Variants in HROB observed in about 807,000 individuals in gnomAD.
HROB encodes the protein homologous recombination factor with OB-fold.
Under a neutral mutation model 61.0 loss-of-function variants are expected in HROB, and 44 were observed. The ratio of observed to expected loss-of-function variants is 0.72; its 90% CI spans 0.57 to 0.93. The LOEUF (loss-of-function observed/expected upper bound fraction) is 0.93, where lower values mean the gene tolerates loss of function less well. Among genes scored for constraint, HROB ranks in the 40% least tolerant of loss-of-function variants. The pLI is 0.00. For synonymous variants in HROB, 301 were observed against 310.4 expected (o/e 0.97, Z 0.32); for missense variants, 716 against 796.2 (o/e 0.90, Z 1.21).
At chr17:44,149,514 G>T (rs2053733989) in intron 3 of HROB, among the ~76,000 whole-genome samples, 1 of 152,192 alleles carries the variant, frequency 6.6e-6, no homozygotes, top group Admixed American at 6.5e-5. Context: ...CTCCCAAAGT[G>T]CTGGGATTAT....
rs1437605460 is a variant in HROB, at chr17:44,148,888, C to T, written c.1085C>T (p.Ala362Val). ...GGTACCCCAAAAGGTCCCCAGGGAG[C>T]TCTGCAGACACCCATAGTCACCAAC... ...PVGTPKGPQG[A>V]LQTPIVTNHL... is the part of the protein sequence containing the mutation. Residue 362 changes from alanine (A) to valine (V), a missense_variant, in exon 3 of 10, where the codon GCT becomes GTT. Coordinates refer to ENST00000585683, the MANE Select transcript of HROB (RefSeq NM_001171251.3). 1 of 1,614,074 alleles carries T rather than the reference C, an allele frequency of 6.2e-7. No homozygotes were observed. The highest frequency in any genetic ancestry group is 1.3e-5 in the African/African-American group (1 of 74,922).
chr17:44,157,315 A>G (rs538782202), intron 8 of HROB, among the ~76,000 whole-genome samples: 27 of 150,254 alleles, frequency 1.8e-4, no homozygotes, highest in Non-Finnish European at 3.3e-4. Flanking sequence ...TTTGTTTATT[A>G]TCTGCTGCTT....
Position 44,161,913 on chromosome 17 carries a change from T to C in HROB, c.1922T>C (p.Phe641Ser). 3 of 1,614,148 alleles carry C rather than the reference T, an allele frequency of 1.9e-6. No homozygotes were observed. The highest frequency in any genetic ancestry group is 2.5e-6 in the Non-Finnish European group (3 of 1,179,994). The stretch of plus-strand genomic sequence containing the variant: ...CTGAGTGAGCTTCCTGAAGACTTCT[T>C]CTGTGGGACCAGTAGTTGAGACTGC... ...GLLSELPEDFFCGTSS is the reference protein window; with the variant it reads ...GLLSELPEDFSCGTSS The change falls in exon 10 of 10, where the codon TTC becomes TCC. Residue 641 changes from phenylalanine to serine, a missense_variant. Phe to Ser is a radical substitution (Grantham distance 155). Transcript: ENST00000585683.
chr17:44,153,606 G>A (rs937007377), intron 5 of HROB, among the ~76,000 whole-genome samples: 2 of 152,132 alleles, frequency 1.3e-5, no homozygotes, highest in African/African-American at 4.8e-5. Flanking sequence ...TTAGCCGGAC[G>A]TGTTGGCACA....
At chr17:44,150,872 G>C in intron 3 of HROB, 89 bp from the exon 4 acceptor site, 2 of 1,111,352 alleles carry the variant, frequency 1.8e-6, no homozygotes, top group Non-Finnish European at 2.7e-6. Flanking sequence ...ATCATTTCCT[G>C]AACTCATTAT....
Position 44,142,030 on chromosome 17 carries a change from G to A in HROB, c.-113G>A. The stretch of plus-strand genomic sequence containing the variant: ...TCATCCCTCTGACCCCAGCCCGGAA[G>A]CACTGTCCCTCGGAGTCCGAGACTT... On this transcript the variant is annotated 5_prime_UTR_variant, in exon 1 of 10. Coordinates refer to ENST00000585683, the MANE Select transcript of HROB (RefSeq NM_001171251.3). 2.1e-6 allele frequency: 3 copies of A among 1,400,098 alleles called. No homozygotes were observed. Among genetic ancestry groups the A allele is most frequent in the Non-Finnish European group, 1.9e-6 (2 of 1,034,882 alleles). The allele number at this position is 1,400,098 out of a possible 1,614,324, so 86.7% of individuals were successfully genotyped here.
rs750227681 is a variant in HROB, at chr17:44,148,017, T to G, written c.214T>G (p.Leu72Val). 6.2e-7 allele frequency: 1 copy of G among 1,614,026 alleles called. No homozygotes were observed. Among genetic ancestry groups the G allele is most frequent in the Non-Finnish European group, 8.5e-7 (1 of 1,180,016 alleles). ...LLHPTAPSEA[L>V]GLPDLDLCLP... Reference sequence around the variant, plus strand: ...ACACCCCACTGCTCCCTCAGAGGCTTTGGGCCTGCCAGACTTGGACCTCTG... The same window carrying G: ...ACACCCCACTGCTCCCTCAGAGGCTGTGGGCCTGCCAGACTTGGACCTCTG... Residue 72 changes from leucine (L) to valine (V), a missense_variant, in exon 3 of 10, where the codon TTG becomes GTG. Physicochemically the swap from Leu to Val is conservative, Grantham distance 32 (BLOSUM62 1). Coordinates refer to ENST00000585683, the MANE Select transcript of HROB (RefSeq NM_001171251.3).
intron 3 of HROB, among the ~76,000 whole-genome samples, chr17:44,149,780 A>C (rs1346649111): frequency 6.6e-6 from 1 of 152,242 alleles, no homozygotes; most frequent in Non-Finnish European, 1.5e-5. Context: ...TAAAAGAAAC[A>C]GTTCCTGTCC....
rs751632115 is a variant in HROB, at chr17:44,148,090, T to C, written c.287T>C (p.Ile96Thr). ...AGTGCTGACAGCCGTCCATCATGCA[T>C]AGGAGCAGCTCCCCTAAGGCCTGTC... is the stretch of plus-strand genomic sequence containing the variant. ...TPSADSRPSC[I>T]GAAPLRPVST... Residue 96 changes from isoleucine (I) to threonine (T), a missense_variant, in exon 3 of 10, where the codon ATA becomes ACA. Coordinates refer to ENST00000585683, the MANE Select transcript of HROB (RefSeq NM_001171251.3). 1 of 1,614,140 alleles carries C rather than the reference T, an allele frequency of 6.2e-7. No homozygotes were observed. The highest frequency in any genetic ancestry group is 8.5e-7 in the Non-Finnish European group (1 of 1,180,034).
chr17:44,156,665 A>T lies in HROB; in HGVS notation c.1771-1168A>T, dbSNP rs901691204. Among the ~76,000 whole-genome samples the T allele has an allele frequency of 9.6e-4, 138 of 143,880 alleles. 1 individual carries two copies. The highest frequency in any genetic ancestry group is 1.1e-3 in the Non-Finnish European group (70 of 64,962). The allele number at this position is 143,880 out of a possible 152,430, so 94.4% of individuals were successfully genotyped here. On this transcript the variant is annotated intron_variant, in intron 8 of 9. Coordinates refer to ENST00000585683, the MANE Select transcript of HROB (RefSeq NM_001171251.3). ...GTTAACCATTTAATTACCGGTATTT[A>T]TTTATTTTTTTTTTTTGAAATGGAG...
At chr17:44,151,085 AGTGAGGGGCGTCCCT>A (rs2053790860) in intron 4 of HROB, 41 bp downstream of exon 4, 1 of 1,543,154 alleles carries the variant, frequency 6.5e-7, no homozygotes, top group Non-Finnish European at 8.9e-7. Flanking sequence ...GTGATTTGAG[AGTGAGGGGCGTCCCT>A]GTGTGTTTCA....
At chr17:44,142,838 T>C (rs897347979) in intron 1 of HROB, among the ~76,000 whole-genome samples, 1 of 152,188 alleles carries the variant, frequency 6.6e-6, no homozygotes, top group African/African-American at 2.4e-5. Flanking sequence ...GGATTTATGG[T>C]AGTTTCTCTT....
chr17:44,155,005 G>A, intron 7 of HROB, 67 bp downstream of exon 7: 1 of 1,545,024 alleles, frequency 6.5e-7, no homozygotes, highest in Non-Finnish European at 8.8e-7. Context: ...CTCCTTACCT[G>A]TTTGGCTGCC....
rs749313689 is a variant in HROB at position 44,142,110 on chromosome 17, C to G, written c.-33C>G. 4 of 1,530,452 alleles carry G rather than the reference C, an allele frequency of 2.6e-6. No individual in the cohort carries two copies. The highest frequency in any genetic ancestry group is 3.5e-6 in the Non-Finnish European group (4 of 1,143,970). The allele number at this position is 1,530,452 out of a possible 1,614,324, so 94.8% of individuals were successfully genotyped here. A position where few individuals can be genotyped will look rare whatever the true frequency, so the allele number is the denominator to read the frequency against. On this transcript the variant is annotated 5_prime_UTR_variant, in exon 1 of 10. Transcript: ENST00000585683. ...ACTCCCCGGACTCGGGGTGCCGGGC[C>G]AACCTCCCCGCCGAGGCCCACCCGC...
In HROB at chr17:44,141,940, T is replaced by A; in HGVS notation, c.-203T>A. On this transcript the variant is annotated 5_prime_UTR_variant, in exon 1 of 10. Coordinates refer to ENST00000585683, the MANE Select transcript of HROB (RefSeq NM_001171251.3). The stretch of plus-strand genomic sequence containing the variant: ...AGGCGGAGACGCCCCAGTGGCGGCG[T>A]CTTCGAATGCGGCCTAAGGCGCCTG... 1 of 613,228 alleles carries A rather than the reference T, an allele frequency of 1.6e-6. No homozygotes were observed. Among genetic ancestry groups the A allele is most frequent in the Non-Finnish European group, 2.7e-6 (1 of 374,162 alleles). The allele number at this position is 613,228 out of a possible 1,614,324, so 38.0% of individuals were successfully genotyped here. A position where few individuals can be genotyped will look rare whatever the true frequency, so the allele number is the denominator to read the frequency against.
intron 3 of HROB, 59 bp from the exon 4 acceptor site, chr17:44,150,902 G>A (rs2053782621): frequency 2.9e-6 from 4 of 1,395,976 alleles, no homozygotes; most frequent in Non-Finnish European, 4.0e-6. Flanking sequence ...ACAATAAGCT[G>A]TACTTGTAAA....
intron 1 of HROB, among the ~76,000 whole-genome samples, 196 bp from the exon 2 acceptor site, chr17:44,145,007 C>T (rs1236758345): frequency 2.6e-5 from 4 of 152,156 alleles, no homozygotes; most frequent in Admixed American, 2.6e-4. Flanking sequence ...TGAGTCACCA[C>T]GCCCGGCCCT....
intron 2 of HROB, 158 bp from the exon 3 acceptor site, chr17:44,147,700 T>G (rs2053653104): frequency 1.4e-6 from 1 of 721,626 alleles, no homozygotes; most frequent in Middle Eastern, 4.0e-4. Context: ...CCTCCCAAAG[T>G]GCTGGGATTA....
intron 8 of HROB, among the ~76,000 whole-genome samples, chr17:44,156,245 C>CT (rs967786682): frequency 1.3e-3 from 189 of 149,012 alleles, no homozygotes; most frequent in East Asian, 2.0e-3. Context: ...CTTTTCTTTT[C>CT]TTTTTTTTTT....
Sources: allele counts gnomAD v4.1 joint callset (sites outside exome capture counted in the v4.1 genomes callset), GRCh38; gene constraint gnomAD v4.1.1; transcripts MANE v1.5; gene names NCBI Gene and HGNC (gene_info 2026-07-23, HGNC 2026-07-21).